ZNF502: variants seen among roughly 807,000 people sequenced by gnomAD.
The protein encoded by ZNF502 is zinc finger protein 502.
Under a neutral mutation model 43.6 loss-of-function variants are expected in ZNF502, and 29 were observed. The observed-to-expected ratio is 0.67, with a 90% CI of 0.50 to 0.91. The LOEUF (loss-of-function observed/expected upper bound fraction) is 0.91. Ranked by LOEUF, ZNF502 falls within the 40% of genes least tolerant of loss-of-function variation. The probability of loss-of-function intolerance (pLI) is 0.00; values close to 1 mark genes in which losing one functional copy is unlikely to be tolerated. For synonymous variants in ZNF502, 171 were observed against 207.4 expected, an observed-to-expected ratio of 0.82 and a Z score of 1.51; for missense variants, 591 against 647.2, an observed-to-expected ratio of 0.91 and a Z score of 0.94.
At position 44,721,413 on chromosome 3, in the gene ZNF502, T is replaced by C. The variant is rs146073542; in HGVS notation, c.596T>C (p.Val199Ala). The C allele has an allele frequency of 8.4e-4, 1,358 of 1,614,190 alleles. 14 individuals carry two copies. In the Middle Eastern group the frequency reaches 0.014, roughly 16 times the overall value. Residue 199 changes from valine to alanine, a missense_variant, in exon 3 of 3, where the codon GTT becomes GCT. By Grantham distance (64) the Val-to-Ala change is moderately conservative. Transcript: ENST00000436624. The part of the protein sequence containing the change: ...GKAFSRSSFL[V>A]QHQRIHTGVK... ...GCCTTTAGTCGTAGTTCATTCCTTG[T>C]TCAACATCAAAGAATTCACACTGGA...
At chr3:44,718,789 A>C (rs996040997) in intron 1 of ZNF502, among the ~76,000 whole-genome samples, 4 of 152,162 alleles carry the variant, frequency 2.6e-5, no homozygotes, top group Admixed American at 6.5e-5. Flanking sequence ...CAGCTATGAC[A>C]CAAGTTGGAG....
chr3:44,718,471 G>A (rs997068739), intron 1 of ZNF502, among the ~76,000 whole-genome samples: 5 of 152,108 alleles, frequency 3.3e-5, no homozygotes, highest in African/African-American at 1.2e-4. Context: ...CCTTATTATG[G>A]CTTTCTCTTC....
chr3:44,716,145 G>A (rs1169391785), intron 1 of ZNF502, among the ~76,000 whole-genome samples: 3 of 151,144 alleles, frequency 2.0e-5, no homozygotes, highest in Non-Finnish European at 4.4e-5. Flanking sequence ...ACTTCTTTCT[G>A]AGAAAATTCT....
Position 44,720,858 on chromosome 3 carries a change from G to T in ZNF502, c.56-15G>T, listed in dbSNP as rs1704296770. The T allele has an allele frequency of 6.3e-7, 1 of 1,599,282 alleles. No homozygotes were observed. The highest frequency in any genetic ancestry group is 1.3e-5 in the African/African-American group (1 of 74,298). ...GCCCTGTACAGGAGATATTCATTCTGCTGTTTTCTTTCAGGCTGGGTAAAC... is the reference window on the plus strand; with the variant it reads ...GCCCTGTACAGGAGATATTCATTCTTCTGTTTTCTTTCAGGCTGGGTAAAC... On this transcript the variant is annotated splice_polypyrimidine_tract_variant and intron_variant, in intron 2 of 2. Transcript: ENST00000436624.
chr3:44,720,356 C>A, intron 2 of ZNF502, 40 bp downstream of exon 2: 1 of 1,602,438 alleles, frequency 6.2e-7, no homozygotes. Context: ...AAATAGTCAG[C>A]CAATAGGAAG....
In ZNF502 at chr3:44,722,184, T is replaced by G; in HGVS notation, c.1367T>G (p.Ile456Ser). 4 of 1,614,184 alleles carry G rather than the reference T, an allele frequency of 2.5e-6. No homozygotes were observed. Among genetic ancestry groups the G allele is most frequent in the Non-Finnish European group, 3.4e-6 (4 of 1,180,026 alleles). ...QNTCLTQHMR[I>S]HTGEKPYKCK... ...ACCTGCCTCACTCAGCATATGAGAA[T>G]TCATACTGGAGAGAAGCCCTATAAA... Residue 456 changes from isoleucine to serine, a missense_variant, in exon 3 of 3, where the codon ATT becomes AGT. Ile to Ser is a moderately radical substitution (Grantham distance 142, BLOSUM62 -2). Transcript: ENST00000436624.
At chr3:44,718,350 C>T (rs1704205738) in intron 1 of ZNF502, among the ~76,000 whole-genome samples, 1 of 152,176 alleles carries the variant, frequency 6.6e-6, no homozygotes, top group Non-Finnish European at 1.5e-5. Flanking sequence ...TTCACCTTGC[C>T]CTCCCACTCC....
intron 1 of ZNF502, among the ~76,000 whole-genome samples, chr3:44,713,009 A>AATGAGTGAT (rs1491004083): frequency 6.6e-6 from 1 of 152,210 alleles, no homozygotes; most frequent in East Asian, 1.9e-4. Context: ...TGAATGAGTG[A>AATGAGTGAT]ATGAGTGATG....
chr3:44,721,701 A>G lies in ZNF502; in HGVS notation c.884A>G (p.Tyr295Cys). Residue 295 changes from tyrosine (Y) to cysteine (C), a missense_variant, in exon 3 of 3, where the codon TAC (tyrosine) becomes TGC (cysteine). Transcript: ENST00000436624. ...AGAATTCACACTGGTGAGAAGCCTT[A>G]CATATGCAGTGAATGTGGCTCTTCT... ...HQRIHTGEKP[Y>C]ICSECGSSFR... The G allele has an allele frequency of 6.2e-7, 1 of 1,613,672 alleles. No homozygotes were observed. The highest frequency in any genetic ancestry group is 8.5e-7 in the Non-Finnish European group (1 of 1,179,600).
chr3:44,715,419 C>T (rs1704119833), intron 1 of ZNF502, among the ~76,000 whole-genome samples: 1 of 152,080 alleles, frequency 6.6e-6, no homozygotes, highest in East Asian at 1.9e-4. Flanking sequence ...AATCTCTGGC[C>T]ATCTCTGATT....
In ZNF502 at chr3:44,722,654, G is replaced by T; in HGVS notation, c.*202G>T. 1.7e-6 allele frequency: 1 copy of T among 596,712 alleles called. No homozygotes were observed. Among genetic ancestry groups the T allele is most frequent in the Non-Finnish European group, 2.8e-6 (1 of 356,582 alleles). The allele number at this position is 596,712 out of a possible 1,614,324, so 37.0% of individuals were successfully genotyped here. On this transcript the variant is annotated 3_prime_UTR_variant, in exon 3 of 3. Coordinates refer to ENST00000436624, the MANE Select transcript of ZNF502 (RefSeq NM_001134442.3). Reference sequence around the variant, plus strand: ...GGTGGGCATCTGGGAATACAGGGTAGAAAGAAATTCCTGCTTTTCAGATAA... The same window carrying T: ...GGTGGGCATCTGGGAATACAGGGTATAAAGAAATTCCTGCTTTTCAGATAA...
chr3:44,722,114 A>G lies in ZNF502; in HGVS notation c.1297A>G (p.Lys433Glu), dbSNP rs767109739. Reference sequence around the variant, plus strand: ...GCACCAGAGAAGTCACACTGGAGAAAAACCCTATAAATGCAATGAATGTGG... The same window carrying G: ...GCACCAGAGAAGTCACACTGGAGAAGAACCCTATAAATGCAATGAATGTGG... ...IRHQRSHTGE[K>E]PYKCNECGKG... Residue 433 changes from lysine to glutamate, a missense_variant, in exon 3 of 3, where the codon AAA becomes GAA. Physicochemically the swap from Lys to Glu is moderately conservative, Grantham distance 56. Coordinates refer to ENST00000436624, the MANE Select transcript of ZNF502 (RefSeq NM_001134442.3). 1.9e-6 allele frequency: 3 copies of G among 1,614,204 alleles called. No individual in the cohort carries two copies. Among genetic ancestry groups the G allele is most frequent in the Admixed American group, 3.3e-5 (2 of 60,024 alleles).
intron 1 of ZNF502, among the ~76,000 whole-genome samples, chr3:44,714,403 T>C (rs898263677): frequency 1.3e-5 from 2 of 152,264 alleles, no homozygotes; most frequent in African/African-American, 4.8e-5. Flanking sequence ...TCAGCAAATA[T>C]GGACCAAATT....
rs767905551 is a variant in ZNF502 at position 44,721,485 on chromosome 3, G to T, written c.668G>T (p.Arg223Leu). ...CAGTGTGGGAAAACATTTCGATGTC[G>T]ATCATTTCTTACTCAGCATCAAAGA... ...CEQCGKTFRCRSFLTQHQRIH... is the reference protein window; with the variant it reads ...CEQCGKTFRCLSFLTQHQRIH... The change falls in exon 3 of 3, where the codon CGA becomes CTA. Residue 223 changes from arginine (R) to leucine (L), a missense_variant. Physicochemically the swap from Arg to Leu is moderately radical, Grantham distance 102. Coordinates refer to ENST00000436624, the MANE Select transcript of ZNF502 (RefSeq NM_001134442.3). 2 of 1,614,118 alleles carry T rather than the reference G, an allele frequency of 1.2e-6. No individual in the cohort carries two copies. Among genetic ancestry groups the T allele is most frequent in the Non-Finnish European group, 8.5e-7 (1 of 1,180,010 alleles).
intron 1 of ZNF502, among the ~76,000 whole-genome samples, chr3:44,717,308 T>G (rs560577889): frequency 7.9e-5 from 12 of 152,150 alleles, no homozygotes; most frequent in African/African-American, 2.9e-4. Context: ...TTATTTTTAT[T>G]TACATCTCTT....
chr3:44,717,300 A>G (rs2125864204), intron 1 of ZNF502, among the ~76,000 whole-genome samples: 1 of 147,894 alleles, frequency 6.8e-6, no homozygotes, highest in African/African-American at 2.5e-5. Context: ...ATATTAAATT[A>G]TTTTTATTTA....
At chr3:44,720,124 C>A in intron 1 of ZNF502, 79 bp from the exon 2 acceptor site, 1 of 864,802 alleles carries the variant, frequency 1.2e-6, no homozygotes, top group Non-Finnish European at 1.9e-6. Flanking sequence ...TGTCCCTAGG[C>A]AACAGCTCTT....
Position 44,723,743 on chromosome 3 carries a change from TTTGA to T in ZNF502, c.*1295_*1298del, listed in dbSNP as rs1428968577. On this transcript the variant is annotated 3_prime_UTR_variant, in exon 3 of 3. Coordinates refer to ENST00000436624, the MANE Select transcript of ZNF502 (RefSeq NM_001134442.3). ...GAGCTTCAGAAGATTGAGGATAGCC[TTTGA>T]TTGGTATTTAAAATAATTTCTAAGC... 1 of 152,192 alleles carries T rather than the reference TTTGA, an allele frequency of 6.6e-6. No homozygotes were observed. Among genetic ancestry groups the T allele is most frequent in the Non-Finnish European group, 1.5e-5 (1 of 68,026 alleles). 9.4% of individuals were successfully genotyped at this position (152,192 alleles called of 1,614,324 possible). A position where few individuals can be genotyped will look rare whatever the true frequency, so the allele number is the denominator to read the frequency against.
In ZNF502 at chr3:44,722,584, T is replaced by A. The variant is rs1445697606; in HGVS notation, c.*132T>A. 8.1e-7 allele frequency: 1 copy of A among 1,235,744 alleles called. No homozygotes were observed. The highest frequency in any genetic ancestry group is 1.1e-6 in the Non-Finnish European group (1 of 905,860). 76.5% of individuals were successfully genotyped at this position (1,235,744 alleles called of 1,614,324 possible). The stretch of plus-strand genomic sequence containing the variant: ...GCTACTGTACTCTGAGAGGAATGTT[T>A]CCAGAAATGGAGGTGGGAGCTTAGG... On this transcript the variant is annotated 3_prime_UTR_variant, in exon 3 of 3. Transcript: ENST00000436624.
Sources: gnomAD v4.1 joint callset for allele counts (sites outside exome capture counted in the v4.1 genomes callset) on GRCh38, gnomAD v4.1.1 for gene constraint, MANE v1.5 for transcripts, NCBI Gene and HGNC (gene_info 2026-07-23, HGNC 2026-07-21) for gene names.